The following DGKB variants were observed in gnomAD, a reference collection of about 807,000 sequenced individuals.
DGKB encodes diacylglycerol kinase beta, also known as 90 kDa diacylglycerol kinase.
In DGKB, 67 loss-of-function variants were observed where a neutral mutation model predicts 114.3. The observed-to-expected ratio is 0.59, with a 90% CI of 0.48 to 0.72. The LOEUF (loss-of-function observed/expected upper bound fraction) is 0.72. Ranked by LOEUF, DGKB falls within the 30% of genes least tolerant of loss-of-function variation. The pLI, the probability that DGKB is intolerant of heterozygous loss-of-function variation, is 0.00. For synonymous variants in DGKB, 398 were observed against 323.1 expected (o/e 1.23, Z -2.49); for missense variants, 907 against 975.2 (o/e 0.93, Z 0.93).
At chr7:14,812,891 C>T (rs1232127987) in intron 2 of DGKB, among the ~76,000 whole-genome samples, 1 of 152,164 alleles carries the variant, frequency 6.6e-6, no homozygotes, top group African/African-American at 2.4e-5. Context: ...AGTGCTTCCT[C>T]TATCTCCAAT....
At chr7:14,257,448 G>C (rs1038280854) in intron 23 of DGKB, among the ~76,000 whole-genome samples, 17 of 152,190 alleles carry the variant, frequency 1.1e-4, no homozygotes, top group African/African-American at 4.1e-4. Flanking sequence ...TGGTTTGGCT[G>C]TGTCCCCACT....
intron 4 of DGKB, among the ~76,000 whole-genome samples, chr7:14,740,597 A>C (rs1294569533): frequency 6.6e-6 from 1 of 152,160 alleles, no homozygotes; most frequent in African/African-American, 2.4e-5. Flanking sequence ...AGGGATCCAG[A>C]GGCAGACAAC....
At chr7:14,854,391 T>C (rs1294802639) in intron 1 of DGKB, among the ~76,000 whole-genome samples, 1 of 152,174 alleles carries the variant, frequency 6.6e-6, no homozygotes, top group Non-Finnish European at 1.5e-5. Context: ...GTCCCCAACC[T>C]TTTTGGCACC....
intron 23 of DGKB, among the ~76,000 whole-genome samples, chr7:14,222,133 A>T (rs1325799720): frequency 3.3e-5 from 5 of 149,838 alleles, no homozygotes; most frequent in Admixed American, 2.7e-4. Flanking sequence ...TATTTTTTTC[A>T]CTTTCCTATT....
At chr7:14,365,457 G>A (rs780995501) in intron 21 of DGKB, among the ~76,000 whole-genome samples, 16 of 152,012 alleles carry the variant, frequency 1.1e-4, no homozygotes, top group African/African-American at 3.1e-4. Flanking sequence ...GCCCAGAACC[G>A]ACAGTATAAA....
intron 2 of DGKB, among the ~76,000 whole-genome samples, chr7:14,766,392 TC>T (rs1478607620): frequency 6.6e-6 from 1 of 151,836 alleles, no homozygotes; most frequent in Non-Finnish European, 1.5e-5. Flanking sequence ...CAAAAGAATT[TC>T]CTTATTGATT....
intron 21 of DGKB, among the ~76,000 whole-genome samples, chr7:14,348,607 A>C (rs779835491): frequency 1.3e-5 from 2 of 151,740 alleles, no homozygotes; most frequent in Non-Finnish European, 2.9e-5. Context: ...TAAAAAAAGT[A>C]AAAAAAATCT....
chr7:14,725,991 GT>G (rs1160653008), intron 5 of DGKB, among the ~76,000 whole-genome samples: 5 of 152,036 alleles, frequency 3.3e-5, no homozygotes, highest in African/African-American at 1.2e-4. Context: ...CATGTATCCT[GT>G]TTTTCTTCAG....
intron 2 of DGKB, among the ~76,000 whole-genome samples, chr7:14,766,115 C>A (rs917351784): frequency 6.6e-6 from 1 of 151,874 alleles, no homozygotes; most frequent in African/African-American, 2.4e-5. Context: ...AAATAAAAAG[C>A]CTGCAGCTAT....
intron 1 of DGKB, among the ~76,000 whole-genome samples, chr7:14,873,043 C>T (rs1323818012): frequency 1.3e-5 from 2 of 151,880 alleles, no homozygotes; most frequent in Non-Finnish European, 2.9e-5. Flanking sequence ...TAACCAGAAA[C>T]GAAAATAATC....
intron 23 of DGKB, among the ~76,000 whole-genome samples, chr7:14,220,851 T>A (rs1789820929): frequency 6.6e-6 from 1 of 151,524 alleles, no homozygotes; most frequent in South Asian, 2.1e-4. Context: ...TTTTAAAATT[T>A]TTAAAAATTT....
chr7:14,369,095 A>AG (rs1817192322), intron 21 of DGKB, among the ~76,000 whole-genome samples: 1 of 149,120 alleles, frequency 6.7e-6, no homozygotes, highest in African/African-American at 2.5e-5. Flanking sequence ...GACAGACCCC[A>AG]GTGTGTGATG....
chr7:14,511,022 GCA>G (rs1224231779), intron 20 of DGKB, among the ~76,000 whole-genome samples: 1 of 152,086 alleles, frequency 6.6e-6, no homozygotes, highest in Non-Finnish European at 1.5e-5. Flanking sequence ...CATTTATATT[GCA>G]CAGTTAGAGT....
At chr7:14,363,194 T>G (rs1329323555) in intron 21 of DGKB, among the ~76,000 whole-genome samples, 1 of 152,132 alleles carries the variant, frequency 6.6e-6, no homozygotes, top group Non-Finnish European at 1.5e-5. Flanking sequence ...AGTAACTTAT[T>G]GCTGATTAAA....
intron 2 of DGKB, among the ~76,000 whole-genome samples, chr7:14,828,887 T>G (rs999853247): frequency 6.6e-6 from 1 of 152,124 alleles, no homozygotes; most frequent in African/African-American, 2.4e-5. Context: ...CTGGGCAAAC[T>G]GTGCTGAAGA....
chr7:14,387,369 C>T (rs1820557850), intron 21 of DGKB, among the ~76,000 whole-genome samples: 1 of 144,738 alleles, frequency 6.9e-6, no homozygotes, highest in African/African-American at 2.6e-5. Context: ...GCTGAGACGG[C>T]ACCATTGCAC....
At chr7:14,674,139 T>C (rs1397955473) in intron 12 of DGKB, among the ~76,000 whole-genome samples, 4 of 151,772 alleles carry the variant, frequency 2.6e-5, no homozygotes, top group African/African-American at 9.7e-5. Context: ...ACTCCCTGCA[T>C]TGGAGTTAAG....
At chr7:14,646,257 A>G (rs1315962526) in intron 13 of DGKB, among the ~76,000 whole-genome samples, 1 of 152,216 alleles carries the variant, frequency 6.6e-6, no homozygotes, top group East Asian at 1.9e-4. Context: ...TTAAGTCAAA[A>G]AACATAAAAA....
At chr7:14,691,944 A>G (rs1199349112) in intron 9 of DGKB, among the ~76,000 whole-genome samples, 4 of 152,044 alleles carry the variant, frequency 2.6e-5, no homozygotes, top group Non-Finnish European at 4.4e-5. Context: ...GTTTACAAAT[A>G]CTATTAAAAA....
Sources: gnomAD v4.1 joint callset for allele counts (sites outside exome capture counted in the v4.1 genomes callset) on GRCh38, gnomAD v4.1.1 for gene constraint, MANE v1.5 for transcripts, NCBI Gene and HGNC (gene_info 2026-07-23, HGNC 2026-07-21) for gene names.